Variants in NME9 observed in about 807,000 individuals in gnomAD.
NME9 encodes NME/NM23 family member 9.
Under a neutral mutation model 44.4 loss-of-function variants are expected in NME9, and 48 were observed. The ratio of observed to expected loss-of-function variants is 1.08; its 90% CI spans 0.86 to 1.37. NME9 has a LOEUF of 1.37. Among genes scored for constraint, NME9 ranks in the 40% most tolerant of loss-of-function variants. The probability of loss-of-function intolerance (pLI) is 0.00; values close to 1 mark genes in which losing one functional copy is unlikely to be tolerated. For missense variants in NME9, 325 were observed against 405.2 expected, an observed-to-expected ratio of 0.80 and a Z score of 1.70; for synonymous variants, 139 against 147.1, an observed-to-expected ratio of 0.94 and a Z score of 0.40.
chr3:138,297,210 G>C (rs2051564133), downstream of NME9: 1 of 152,216 alleles, frequency 6.6e-6, no homozygotes, highest in South Asian at 2.1e-4. Context: ...AGAGGGGCAA[G>C]GGAATCTCCC....
chr3:138,269,959 C>T, intron 8 of NME9: 1 of 840,942 alleles, frequency 1.2e-6, no homozygotes, highest in South Asian at 1.9e-5. Flanking sequence ...GAAGAAATCA[C>T]AAAGTGCCAA....
At chr3:138,327,255 T>G (rs2108470981) in intron 1 of NME9, 1 of 152,234 alleles carries the variant, frequency 6.6e-6, no homozygotes, top group East Asian at 1.9e-4. Context: ...CAGAAAAGTC[T>G]TCTTGATGTC....
At chr3:138,317,651 G>A (rs1205233292) in intron 4 of NME9, among the ~76,000 whole-genome samples, 1 of 152,234 alleles carries the variant, frequency 6.6e-6, no homozygotes, top group Non-Finnish European at 1.5e-5. Context: ...AGTGAATGAA[G>A]AGCTTGTCTG....
intron 9 of NME9, among the ~76,000 whole-genome samples, chr3:138,304,375 TC>T (rs1179421225): frequency 6.6e-6 from 1 of 152,210 alleles, no homozygotes; most frequent in African/African-American, 2.4e-5. Context: ...AGCTAAATAC[TC>T]CCAAGTCCAA....
intron 3 of NME9, among the ~76,000 whole-genome samples, chr3:138,318,486 A>G (rs2053248496): frequency 6.6e-6 from 1 of 152,148 alleles, no homozygotes; most frequent in Admixed American, 6.5e-5. Context: ...TTACTGGCTA[A>G]TGTCCTTCTG....
chr3:138,309,509 AC>A (rs557111865), intron 6 of NME9, among the ~76,000 whole-genome samples: 3 of 151,744 alleles, frequency 2.0e-5, no homozygotes, highest in Non-Finnish European at 4.4e-5. Context: ...ACATGGTGAA[AC>A]CCTGTCTCTA....
chr3:138,309,356 ATAC>A (rs1329212943), intron 6 of NME9, among the ~76,000 whole-genome samples: 2 of 152,176 alleles, frequency 1.3e-5, no homozygotes, highest in African/African-American at 2.4e-5. Flanking sequence ...AAAGAAAAAA[ATAC>A]TAATATGCAA....
downstream of NME9, among the ~76,000 whole-genome samples, chr3:138,298,552 T>C (rs1384380820): frequency 6.6e-6 from 1 of 152,180 alleles, no homozygotes; most frequent in Non-Finnish European, 1.5e-5. Flanking sequence ...CAGAGGCATC[T>C]GCAGCAGTCT....
chr3:138,271,054 A>C (rs1279728600), intron 8 of NME9, among the ~76,000 whole-genome samples: 15 of 152,184 alleles, frequency 9.9e-5, no homozygotes, highest in Non-Finnish European at 4.4e-5. Flanking sequence ...ACAGTTAATA[A>C]TGGAAATGGG....
chr3:138,325,351 T>TACAAGGAG (rs1429920864), intron 1 of NME9, among the ~76,000 whole-genome samples: 1 of 152,098 alleles, frequency 6.6e-6, no homozygotes. Flanking sequence ...AAATATGAAA[T>TACAAGGAG]ACAAGGAGAA....
At chr3:138,328,877 G>A (rs1476871908) in intron 1 of NME9, among the ~76,000 whole-genome samples, 1 of 152,184 alleles carries the variant, frequency 6.6e-6, no homozygotes, top group Non-Finnish European at 1.5e-5. Context: ...TCTCCACAGA[G>A]CACACAGTTA....
chr3:138,266,741 C>G (rs1353991207), intron 8 of NME9, among the ~76,000 whole-genome samples: 3 of 152,176 alleles, frequency 2.0e-5, no homozygotes, highest in Non-Finnish European at 4.4e-5. Context: ...TGCTCCTGGT[C>G]AAACAAGCCC....
intron 8 of NME9, chr3:138,274,651 T>C: frequency 1.3e-6 from 1 of 761,564 alleles, no homozygotes; most frequent in African/African-American, 1.7e-5. Context: ...AGTGCTGAGA[T>C]GGGAGATGCT....
chr3:138,284,399 T>A, intron 8 of NME9: 1 of 1,558,388 alleles, frequency 6.4e-7, no homozygotes, highest in South Asian at 1.1e-5. Context: ...CTTCAGAGCT[T>A]TCCTGACTGT....
chr3:138,319,256 A>G (rs2053306873), intron 3 of NME9, among the ~76,000 whole-genome samples: 1 of 152,090 alleles, frequency 6.6e-6, no homozygotes, highest in African/African-American at 2.4e-5. Context: ...AGCACCAAGA[A>G]CTGCTCAAGC....
At chr3:138,283,175 A>G (rs1235826378) in intron 8 of NME9, among the ~76,000 whole-genome samples, 1 of 152,258 alleles carries the variant, frequency 6.6e-6, no homozygotes, top group Non-Finnish European at 1.5e-5. Flanking sequence ...CTTACTCCCT[A>G]ATAATCTAGT....
intron 8 of NME9, among the ~76,000 whole-genome samples, chr3:138,280,100 C>T (rs1294649514): frequency 6.6e-6 from 1 of 151,970 alleles, no homozygotes; most frequent in Non-Finnish European, 1.5e-5. Flanking sequence ...TATGGGGTTT[C>T]ACCATGTTGG....
chr3:138,305,662 G>A (rs998074801), intron 8 of NME9, among the ~76,000 whole-genome samples: 2 of 152,220 alleles, frequency 1.3e-5, no homozygotes, highest in African/African-American at 4.8e-5. Flanking sequence ...TCCAATGGCA[G>A]TATCTAAAGT....
Position 138,301,282 on chromosome 3 carries a change from G to A in NME9, c.*358C>T. 2.6e-6 allele frequency: 1 copy of A among 383,306 alleles called. No individual in the cohort carries two copies. The highest frequency in any genetic ancestry group is 3.7e-6 in the Non-Finnish European group (1 of 266,970). The allele number at this position is 383,306 out of a possible 1,614,324, so 23.7% of individuals were successfully genotyped here. On this transcript the variant is annotated 3_prime_UTR_variant, in exon 11 of 11. Transcript: ENST00000333911. ...TGCAGTGGCATGATCTCGGCTTACTGCAACCTTCACCTCCCGGGTTCAAGC... is the reference window on the plus strand; with the variant it reads ...TGCAGTGGCATGATCTCGGCTTACTACAACCTTCACCTCCCGGGTTCAAGC...
Sources: gnomAD v4.1 joint callset for allele counts (sites outside exome capture counted in the v4.1 genomes callset) on GRCh38, gnomAD v4.1.1 for gene constraint, MANE v1.5 for transcripts, NCBI Gene and HGNC (gene_info 2026-07-23, HGNC 2026-07-21) for gene names.